The following LHFPL2 variants were observed in gnomAD, a reference collection of about 807,000 sequenced individuals.
The protein encoded by LHFPL2 is LHFPL tetraspan subfamily member 2 protein.
A neutral mutation model predicts 17.5 loss-of-function variants in LHFPL2; 7 were observed. The ratio of observed to expected loss-of-function variants is 0.40; its 90% CI spans 0.23 to 0.75. LHFPL2 has a LOEUF of 0.75. Ranked by LOEUF, LHFPL2 falls within the 30% of genes least tolerant of loss-of-function variation. The pLI is 0.37. For missense variants in LHFPL2, 241 were observed against 294.8 expected (o/e 0.82, Z 1.34); for synonymous variants, 134 against 116.2 (o/e 1.15, Z -0.99).
At chr5:78,546,706 G>T (rs552544557) in intron 3 of LHFPL2, among the ~76,000 whole-genome samples, 1 of 152,306 alleles carries the variant, frequency 6.6e-6, no homozygotes, top group South Asian at 2.1e-4. Context: ...AGAGGTCACA[G>T]TCTGCGTCTT....
intron 3 of LHFPL2, among the ~76,000 whole-genome samples, chr5:78,542,595 C>T (rs1395292023): frequency 6.6e-6 from 1 of 152,218 alleles, no homozygotes; most frequent in African/African-American, 2.4e-5. Context: ...CCACCCTCAT[C>T]TCCACATGCA....
intron 2 of LHFPL2, among the ~76,000 whole-genome samples, chr5:78,584,995 G>GTTTTTTT (rs1163195083): frequency 2.5e-5 from 1 of 40,504 alleles, no homozygotes; most frequent in African/African-American, 8.1e-5. Flanking sequence ...GGTGCGCTGT[G>GTTTTTTT]TTTTTTTTTT....
chr5:78,490,778 AGAG>A lies in LHFPL2; in HGVS notation c.431-1628_431-1626del, dbSNP rs201489202. 4.8e-3 allele frequency among the ~76,000 whole-genome samples: 725 copies of A among 149,988 alleles called. 4 individuals are homozygous for A. Among genetic ancestry groups the A allele is most frequent in the African/African-American group, 0.017 (680 of 40,560 alleles). ...AAAAAAAAAAAAGCAAGATACTGCA[AGAG>A]GAGGAGGAGGGCAAAAACATTTTCT... On this transcript the variant is annotated intron_variant, in intron 4 of 4. Transcript: ENST00000380345.
At position 78,585,070 on chromosome 5, in the gene LHFPL2, G is replaced by A. The variant is rs1478138660; in HGVS notation, c.-244-20199C>T. Among the ~76,000 whole-genome samples the A allele has an allele frequency of 2.1e-5, 2 of 96,894 alleles. 1 individual carries two copies. Among genetic ancestry groups the A allele is most frequent in the Non-Finnish European group, 4.7e-5 (2 of 42,632 alleles). The allele number at this position is 96,894 out of a possible 152,430, so 63.6% of individuals were successfully genotyped here. A position where few individuals can be genotyped will look rare whatever the true frequency, so the allele number is the denominator to read the frequency against. ...CGCCCAGGCTGGAGTGCAGTGGCGG[G>A]ATCTCGGCTCATTGCAAGCTCCACC... On this transcript the variant is annotated intron_variant, in intron 2 of 4. Coordinates refer to ENST00000380345, the MANE Select transcript of LHFPL2 (RefSeq NM_005779.3).
rs187702978 is a variant in LHFPL2 at position 78,622,994 on chromosome 5, T to C, written c.-245+9270A>G. On this transcript the variant is annotated intron_variant, in intron 2 of 4. Coordinates refer to ENST00000380345, the MANE Select transcript of LHFPL2 (RefSeq NM_005779.3). ...GGCTGTGGGAAAACAGCATGTGTAA[T>C]AGGGGAGGAAATCATCTAGAGGAAA... Among the ~76,000 whole-genome samples the C allele has an allele frequency of 3.2e-3, 489 of 152,180 alleles. 3 individuals carry two copies. The highest frequency in any genetic ancestry group is 3.3e-3 in the Non-Finnish European group (224 of 68,008).
intron 1 of LHFPL2, among the ~76,000 whole-genome samples, chr5:78,646,062 CT>C (rs1745867850): frequency 6.6e-6 from 1 of 152,222 alleles, no homozygotes; most frequent in South Asian, 2.1e-4. Flanking sequence ...TGGATATTCA[CT>C]TTGGTGGGAC....
chr5:78,544,583 A>C (rs756185732), intron 3 of LHFPL2, among the ~76,000 whole-genome samples: 3 of 152,196 alleles, frequency 2.0e-5, no homozygotes, highest in Non-Finnish European at 4.4e-5. Flanking sequence ...ATGTATATGT[A>C]GCAGTTGTCT....
intron 2 of LHFPL2, among the ~76,000 whole-genome samples, chr5:78,593,989 T>C (rs2112464296): frequency 6.6e-6 from 1 of 152,358 alleles, no homozygotes; most frequent in African/African-American, 2.4e-5. Flanking sequence ...CTGCTTGTTA[T>C]GAACACTCTT....
chr5:78,558,668 T>A (rs1756645969), intron 3 of LHFPL2, among the ~76,000 whole-genome samples: 2 of 152,102 alleles, frequency 1.3e-5, no homozygotes, highest in African/African-American at 2.4e-5. Context: ...ATCCAAAACA[T>A]CCCTGTGGAC....
rs369951139 is a variant in LHFPL2 at position 78,527,563 on chromosome 5, C to G, written c.-185-17165G>C. ...CCTCCCATCTCGTTATTTCACCAGA[C>G]CCTTTTGTGTTCACGAACTTTGTAT... On this transcript the variant is annotated intron_variant, in intron 3 of 4. Coordinates refer to ENST00000380345, the MANE Select transcript of LHFPL2 (RefSeq NM_005779.3). 1.4e-3 allele frequency among the ~76,000 whole-genome samples: 210 copies of G among 151,706 alleles called. 1 individual carries two copies. Among genetic ancestry groups the G allele is most frequent in the African/African-American group, 4.9e-3 (202 of 41,160 alleles).
At position 78,579,611 on chromosome 5, in the gene LHFPL2, C is replaced by A. The variant is rs570156246; in HGVS notation, c.-244-14740G>T. Among the ~76,000 whole-genome samples the A allele has an allele frequency of 4.2e-3, 643 of 151,822 alleles. 3 individuals carry two copies. The highest frequency in any genetic ancestry group is 0.014 in the African/African-American group (578 of 41,402). ...TGCGGTGTTTGGTTTTTTGTTCTTGCGATAGTTTACTGAGAATGATGATTT... is the reference window on the plus strand; with the variant it reads ...TGCGGTGTTTGGTTTTTTGTTCTTGAGATAGTTTACTGAGAATGATGATTT... On this transcript the variant is annotated intron_variant, in intron 2 of 4. Transcript: ENST00000380345.
intron 2 of LHFPL2, chr5:78,626,061 T>A (rs1247492226): frequency 6.6e-6 from 1 of 152,208 alleles, no homozygotes; most frequent in Non-Finnish European, 1.5e-5. Flanking sequence ...AACTACACAT[T>A]TTCATCCCAG....
chr5:78,497,909 G>A lies in LHFPL2; in HGVS notation c.431-8756C>T, dbSNP rs555115228. 3.9e-5 allele frequency among the ~76,000 whole-genome samples: 6 copies of A among 152,348 alleles called. No homozygotes were observed. In the East Asian group the frequency reaches 1.2e-3, roughly 29 times the overall value. On this transcript the variant is annotated intron_variant, in intron 4 of 4. Coordinates refer to ENST00000380345, the MANE Select transcript of LHFPL2 (RefSeq NM_005779.3). ...TTCAGGTATCTAGACACCAGCCTGA[G>A]TCTAGGCTCAGATCTCTGAAATTGT... is the stretch of plus-strand genomic sequence containing the variant.
intron 3 of LHFPL2, among the ~76,000 whole-genome samples, 164 bp downstream of exon 3, chr5:78,564,649 T>C (rs1361218433): frequency 6.6e-6 from 1 of 152,240 alleles, no homozygotes; most frequent in Non-Finnish European, 1.5e-5. Context: ...ATAACATTTA[T>C]GTATGCTGAT....
intron 3 of LHFPL2, chr5:78,549,090 C>G (rs1466788312): frequency 6.6e-6 from 1 of 152,222 alleles, no homozygotes; most frequent in South Asian, 2.1e-4. Flanking sequence ...CCTGGGCTGG[C>G]TCACGATGGC....
At chr5:78,565,343 T>C (rs1325062512) in intron 2 of LHFPL2, among the ~76,000 whole-genome samples, 1 of 152,212 alleles carries the variant, frequency 6.6e-6, no homozygotes, top group African/African-American at 2.4e-5. Flanking sequence ...TTCACAAAGA[T>C]GTCAAGACTG....
chr5:78,553,432 G>A (rs1756497171), intron 3 of LHFPL2, among the ~76,000 whole-genome samples: 1 of 152,180 alleles, frequency 6.6e-6, no homozygotes, highest in Admixed American at 6.5e-5. Flanking sequence ...TCATGGCTGG[G>A]TTGGGGGCCT....
chr5:78,558,753 A>G (rs1331736769), intron 3 of LHFPL2, among the ~76,000 whole-genome samples: 1 of 152,234 alleles, frequency 6.6e-6, no homozygotes, highest in African/African-American at 2.4e-5. Context: ...CTACCGGAAC[A>G]TGGGCACTCC....
chr5:78,538,414 G>A (rs1368680071), intron 3 of LHFPL2, among the ~76,000 whole-genome samples: 1 of 152,068 alleles, frequency 6.6e-6, no homozygotes, highest in Admixed American at 6.5e-5. Flanking sequence ...CTTTTCTAGG[G>A]GGAAAAATCT....
Sources: gnomAD v4.1 joint callset for allele counts (sites outside exome capture counted in the v4.1 genomes callset) on GRCh38, gnomAD v4.1.1 for gene constraint, MANE v1.5 for transcripts, NCBI Gene and HGNC (gene_info 2026-07-23, HGNC 2026-07-21) for gene names.